Variants in PNPT1 observed in about 807,000 individuals in gnomAD.
PNPT1 encodes polyribonucleotide nucleotidyltransferase 1, also known as polyribonucleotide nucleotidyltransferase 1, mitochondrial.
A neutral mutation model predicts 119.5 loss-of-function variants in PNPT1; 53 were observed. The observed-to-expected ratio is 0.44, with a 90% CI of 0.36 to 0.56. The LOEUF (loss-of-function observed/expected upper bound fraction) is 0.56, where lower values mean the gene tolerates loss of function less well. Ranked by LOEUF, PNPT1 falls within the 20% of genes least tolerant of loss-of-function variation. The pLI, the probability that PNPT1 is intolerant of heterozygous loss-of-function variation, is 0.00. For synonymous variants in PNPT1, 357 were observed against 322.1 expected (o/e 1.11, Z -1.16); for missense variants, 948 against 938.5 (o/e 1.01, Z -0.13).
rs1469896513 is a variant in PNPT1 at position 55,634,632 on chromosome 2, T to C, written c.*1605A>G. 1.3e-5 allele frequency: 2 copies of C among 151,508 alleles called. No individual in the cohort carries two copies. Among genetic ancestry groups the C allele is most frequent in the Middle Eastern group, 3.1e-3 (1 of 320 alleles). The allele number at this position is 151,508 out of a possible 1,614,324, so 9.4% of individuals were successfully genotyped here. A position where few individuals can be genotyped will look rare whatever the true frequency, so the allele number is the denominator to read the frequency against. On this transcript the variant is annotated 3_prime_UTR_variant, in exon 28 of 28. Coordinates refer to ENST00000447944, the MANE Select transcript of PNPT1 (RefSeq NM_033109.5). ...GTGCAGTGGTGCGATCTCAGCTCAC[T>C]GCCACCTCTGCCTCCCAGGTTCAAG...
chr2:55,690,469 A>G (rs782579), intron 1 of PNPT1, among the ~76,000 whole-genome samples: 78,558 of 152,026 alleles, frequency 0.52, 21,287 homozygotes, highest in Non-Finnish European at 0.59. Flanking sequence ...CCCTACCCCA[A>G]GTAAGATTAT....
chr2:55,638,805 C>T (rs577877464), intron 26 of PNPT1, among the ~76,000 whole-genome samples: 2 of 150,728 alleles, frequency 1.3e-5, no homozygotes, highest in Non-Finnish European at 2.9e-5. Context: ...GATGGAGTCT[C>T]GCTCTGTCAT....
At chr2:55,677,198 C>T (rs370509875) in intron 8 of PNPT1, among the ~76,000 whole-genome samples, 8 of 152,198 alleles carry the variant, frequency 5.3e-5, no homozygotes, top group African/African-American at 7.2e-5. Context: ...GAAATTTATG[C>T]GCTCTAGAGT....
intron 17 of PNPT1, 78 bp downstream of exon 17, chr2:55,656,053 A>T: frequency 6.6e-7 from 1 of 1,512,256 alleles, no homozygotes; most frequent in African/African-American, 1.4e-5. Flanking sequence ...ACAAAATGTA[A>T]CATTACATTT....
intron 1 of PNPT1, among the ~76,000 whole-genome samples, chr2:55,692,932 T>C (rs1697666748): frequency 6.6e-6 from 1 of 152,054 alleles, no homozygotes; most frequent in South Asian, 2.1e-4. Flanking sequence ...TGCTTTTGTT[T>C]CTCTCTGTGT....
intron 18 of PNPT1, among the ~76,000 whole-genome samples, chr2:55,650,258 T>G (rs1436426395): frequency 6.6e-6 from 1 of 152,196 alleles, no homozygotes; most frequent in Non-Finnish European, 1.5e-5. Flanking sequence ...TTCTCCTGCC[T>G]CAGCCTGCCG....
chr2:55,681,182 G>A (rs782619), intron 5 of PNPT1, among the ~76,000 whole-genome samples: 2 of 151,768 alleles, frequency 1.3e-5, no homozygotes, highest in African/African-American at 4.8e-5. Context: ...TGAGGAGGGC[G>A]GATCACCTGA....
intron 7 of PNPT1, among the ~76,000 whole-genome samples, chr2:55,680,009 A>G (rs901948741): frequency 2.0e-5 from 3 of 152,028 alleles, no homozygotes; most frequent in Non-Finnish European, 4.4e-5. Flanking sequence ...CACTTCTTCC[A>G]CACCTCTGGG....
At chr2:55,664,046 T>C (rs1300777147) in intron 13 of PNPT1, among the ~76,000 whole-genome samples, 3 of 152,084 alleles carry the variant, frequency 2.0e-5, no homozygotes, top group Admixed American at 1.3e-4. Flanking sequence ...TGAAGGGAAA[T>C]GATACTGGAT....
At chr2:55,671,962 C>T in intron 10 of PNPT1, 33 bp downstream of exon 10, 1 of 1,505,840 alleles carries the variant, frequency 6.6e-7, no homozygotes, top group Non-Finnish European at 9.0e-7. Context: ...ATTCCTAGGG[C>T]AATTATGGAA....
intron 8 of PNPT1, among the ~76,000 whole-genome samples, chr2:55,675,529 T>C (rs1411436263): frequency 2.0e-5 from 3 of 152,216 alleles, no homozygotes; most frequent in Non-Finnish European, 4.4e-5. Flanking sequence ...TTTTAAAAAA[T>C]ACTTTCTAAG....
At chr2:55,653,947 G>A (rs1401996359) in intron 18 of PNPT1, among the ~76,000 whole-genome samples, 1 of 151,980 alleles carries the variant, frequency 6.6e-6, no homozygotes, top group Non-Finnish European at 1.5e-5. Context: ...ATGACAGTTT[G>A]GCACGAATTG....
At position 55,656,381 on chromosome 2, in the gene PNPT1, A is replaced by C. The variant is rs2104073237; in HGVS notation, c.1285-10T>G. On this transcript the variant is annotated splice_polypyrimidine_tract_variant and intron_variant, in intron 15 of 27. Coordinates refer to ENST00000447944, the MANE Select transcript of PNPT1 (RefSeq NM_033109.5). Reference sequence around the variant, plus strand: ...TTGCATAAGGAGGAAACTTAAAAAAAAAAAAACACAAACACACATATACAA... The same window carrying C: ...TTGCATAAGGAGGAAACTTAAAAAACAAAAAACACAAACACACATATACAA... 1.3e-6 allele frequency: 2 copies of C among 1,586,202 alleles called. No individual in the cohort carries two copies. The highest frequency in any genetic ancestry group is 1.7e-6 in the Non-Finnish European group (2 of 1,168,824).
In PNPT1 at chr2:55,647,452, C is replaced by G. The variant is rs1696037886; in HGVS notation, c.1497G>C (p.Gly499=). The change falls in exon 19 of 28, where the codon GGG becomes GGC. Residue 499 remains glycine (G), a splice_region_variant and synonymous_variant. Coordinates refer to ENST00000447944, the MANE Select transcript of PNPT1 (RefSeq NM_033109.5). ...CGGSLALMDS[G]VPISSAVAGV... ...CTGCAACAGCAGATGAAATTGGAAC[C>G]CCTATAATTGGGAAAAAGAACAACT... 6.2e-7 allele frequency: 1 copy of G among 1,604,260 alleles called. No homozygotes were observed.
intron 18 of PNPT1, 104 bp downstream of exon 18, chr2:55,654,796 G>A (rs1696331898): frequency 2.8e-6 from 3 of 1,057,084 alleles, no homozygotes; most frequent in Non-Finnish European, 4.3e-6. Flanking sequence ...GGCTGGTCTT[G>A]AACTCCCAGC....
chr2:55,644,604 A>G, intron 23 of PNPT1, 33 bp downstream of exon 23: 1 of 1,516,374 alleles, frequency 6.6e-7, no homozygotes, highest in East Asian at 2.3e-5. Flanking sequence ...CTAGCATTTA[A>G]TTAAAAAACC....
intron 26 of PNPT1, 73 bp downstream of exon 26, chr2:55,640,535 GCAAAGTGTATAATTCTTAC>G: frequency 9.1e-7 from 1 of 1,097,200 alleles, no homozygotes; most frequent in East Asian, 2.4e-5. Context: ...CTAGTAGTAG[GCAAAGTGTATAATTCTTAC>G]CAACCTAGGT....
In PNPT1 at chr2:55,680,292, C is replaced by G. The variant is rs140632919; in HGVS notation, c.565+420G>C. 7.2e-3 allele frequency among the ~76,000 whole-genome samples: 1,099 copies of G among 152,220 alleles called. 7 individuals carry two copies. Among genetic ancestry groups the G allele is most frequent in the Non-Finnish European group, 0.011 (739 of 68,016 alleles). ...TCTTTCATTGTTGTATTGCTAGGGC[C>G]TGCTCTGCCTAGGACACTTGATAAT... On this transcript the variant is annotated intron_variant, in intron 7 of 27. Coordinates refer to ENST00000447944, the MANE Select transcript of PNPT1 (RefSeq NM_033109.5).
chr2:55,691,878 A>ATATATATATATTTTTTT (rs1326804958), intron 1 of PNPT1, among the ~76,000 whole-genome samples: 12 of 33,096 alleles, frequency 3.6e-4, no homozygotes, highest in South Asian at 1.8e-3. Context: ...ATATATATAT[A>ATATATATATATTTTTTT]TTTTTTTTTT....
Sources: gnomAD v4.1 joint callset for allele counts (sites outside exome capture counted in the v4.1 genomes callset) on GRCh38, gnomAD v4.1.1 for gene constraint, MANE v1.5 for transcripts, NCBI Gene and HGNC (gene_info 2026-07-23, HGNC 2026-07-21) for gene names.